The following TNS3 variants were observed in gnomAD, a reference collection of about 807,000 sequenced individuals.
TNS3 encodes the protein tensin 3, also known as tensin-3.
A neutral mutation model predicts 140.9 loss-of-function variants in TNS3; 45 were observed. That is an observed-to-expected ratio of 0.32 (90% CI 0.25 to 0.41). The LOEUF is 0.41. Among genes scored for constraint, TNS3 ranks in the 10% least tolerant of loss-of-function variants. TNS3 has a pLI of 1.00. For synonymous variants in TNS3, 815 were observed against 788.4 expected, an observed-to-expected ratio of 1.03 and a Z score of -0.56; for missense variants, 1,716 against 1,906.7, an observed-to-expected ratio of 0.90 and a Z score of 1.86.
At chr7:47,573,270 C>T (rs1201282889) in intron 1 of TNS3, among the ~76,000 whole-genome samples, 6 of 152,222 alleles carry the variant, frequency 3.9e-5, no homozygotes, top group African/African-American at 7.2e-5. Context: ...ACCCACCTCA[C>T]GAGCAAGCCT....
intron 4 of TNS3, among the ~76,000 whole-genome samples, chr7:47,448,757 G>GT (rs1562756494): frequency 6.6e-6 from 1 of 152,200 alleles, no homozygotes; most frequent in African/African-American, 2.4e-5. Context: ...GATTGCAGGC[G>GT]TAAGCCACCG....
chr7:47,481,225 T>C lies in TNS3; in HGVS notation c.-114-84A>G, dbSNP rs796130622. On this transcript the variant is annotated intron_variant, in intron 3 of 30. Transcript: ENST00000311160. ...ATAATCAAGCCAGGCTCCCAAAGAC[T>C]GAATGAAACTGTCTCTAACCTCACT... is the stretch of plus-strand genomic sequence containing the variant. 1.3e-5 allele frequency: 13 copies of C among 1,030,672 alleles called. No homozygotes were observed. The African/African-American group carries it at 2.1e-4, about 17-fold the overall frequency. The allele number at this position is 1,030,672 out of a possible 1,614,324, so 63.8% of individuals were successfully genotyped here.
At chr7:47,447,335 G>A (rs1172306654) in intron 4 of TNS3, among the ~76,000 whole-genome samples, 1 of 152,140 alleles carries the variant, frequency 6.6e-6, no homozygotes, top group Non-Finnish European at 1.5e-5. Context: ...GCACTTCCTA[G>A]TGTGTCACAG....
At chr7:47,282,319 C>T (rs1174294298) in intron 28 of TNS3, among the ~76,000 whole-genome samples, 1 of 151,870 alleles carries the variant, frequency 6.6e-6, no homozygotes, top group East Asian at 1.9e-4. Flanking sequence ...TGCAGATGAG[C>T]CATGCCCCGA....
At chr7:47,485,591 G>A (rs1797581757) in intron 3 of TNS3, among the ~76,000 whole-genome samples, 1 of 152,256 alleles carries the variant, frequency 6.6e-6, no homozygotes, top group Non-Finnish European at 1.5e-5. Context: ...GAAGGCTGGA[G>A]AGAAGGCAGT....
intron 1 of TNS3, among the ~76,000 whole-genome samples, chr7:47,570,162 AAAAT>A (rs1800521171): frequency 6.6e-6 from 1 of 152,284 alleles, no homozygotes; most frequent in Non-Finnish European, 1.5e-5. Context: ...ATAAAAAGAA[AAAAT>A]AAATAAATAA....
intron 24 of TNS3, among the ~76,000 whole-genome samples, chr7:47,294,369 A>G (rs1785885995): frequency 6.6e-6 from 1 of 152,252 alleles, no homozygotes; most frequent in African/African-American, 2.4e-5. Flanking sequence ...TGCTATTAAC[A>G]GTAAACAGTG....
Position 47,445,403 on chromosome 7 carries a change from G to A in TNS3, c.-75-3348C>T, listed in dbSNP as rs538643822. ...ATGAGGAAATGAGGATTTGGTGGGC[G>A]GACGTGTTGGAATCCCACAGTTAAG... On this transcript the variant is annotated intron_variant, in intron 4 of 30. Coordinates refer to ENST00000311160, the MANE Select transcript of TNS3 (RefSeq NM_022748.12). Among the ~76,000 whole-genome samples the A allele has an allele frequency of 1.4e-4, 22 of 152,274 alleles. 2 individuals carry two copies. The South Asian group carries it at 4.4e-3, about 30-fold the overall frequency.
intron 3 of TNS3, among the ~76,000 whole-genome samples, chr7:47,487,570 A>G (rs1797658763): frequency 6.6e-6 from 1 of 152,102 alleles, no homozygotes. Flanking sequence ...ATGCACACAC[A>G]CCACACAACA....
intron 8 of TNS3, 111 bp downstream of exon 8, chr7:47,435,171 C>A: frequency 7.0e-7 from 1 of 1,432,670 alleles, no homozygotes; most frequent in South Asian, 1.3e-5. Context: ...ATAAGGAGCA[C>A]ATCGCACCAG....
intron 4 of TNS3, among the ~76,000 whole-genome samples, chr7:47,454,369 G>A (rs192371085): frequency 9.9e-5 from 15 of 152,252 alleles, no homozygotes; most frequent in South Asian, 8.3e-4. Context: ...CATCAGACCC[G>A]GAGACACTAA....
chr7:47,367,835 G>A (rs935968427), intron 17 of TNS3, among the ~76,000 whole-genome samples: 11 of 152,206 alleles, frequency 7.2e-5, no homozygotes, highest in Non-Finnish European at 1.6e-4. Flanking sequence ...TCTGACAGGT[G>A]TATTTGTAAT....
intron 2 of TNS3, among the ~76,000 whole-genome samples, chr7:47,524,870 A>G (rs1385991980): frequency 6.7e-6 from 1 of 149,534 alleles, no homozygotes; most frequent in Non-Finnish European, 1.5e-5. Context: ...CCTGCGGTGG[A>G]AAGTAAGCTG....
chr7:47,369,222 G>A lies in TNS3; in HGVS notation c.1424C>T (p.Thr475Ile), dbSNP rs1277447993. 1.9e-6 allele frequency: 3 copies of A among 1,614,198 alleles called. No individual in the cohort carries two copies. Among genetic ancestry groups the A allele is most frequent in the East Asian group, 4.5e-5 (2 of 44,880 alleles). The change falls in exon 17 of 31, where the codon ACA becomes ATA. Residue 475 changes from threonine (T) to isoleucine (I), a missense_variant. Transcript: ENST00000311160. ...NGDAALKDRE[T>I]DILDDEMPHH... ...GGGCATCTCGTCATCCAGAATGTCT[G>A]TCTCCCGATCCTTCAGAGCAGCGTC...
chr7:47,416,125 C>G (rs745463128), intron 10 of TNS3, among the ~76,000 whole-genome samples: 27 of 152,370 alleles, frequency 1.8e-4, no homozygotes, highest in Non-Finnish European at 3.1e-4. Flanking sequence ...GTTTCCATAT[C>G]TGTCTCCACC....
intron 4 of TNS3, chr7:47,452,868 G>A: frequency 1.0e-6 from 1 of 969,032 alleles, no homozygotes; most frequent in Non-Finnish European, 1.2e-6. Context: ...AGGGTGGCCA[G>A]GGACAGACAA....
intron 17 of TNS3, among the ~76,000 whole-genome samples, chr7:47,355,353 G>T (rs1403471752): frequency 1.3e-5 from 2 of 152,210 alleles, no homozygotes; most frequent in Admixed American, 1.3e-4. Flanking sequence ...AACAGGGTGG[G>T]GGACGGTCCT....
chr7:47,324,203 A>G (rs938046805), intron 20 of TNS3, among the ~76,000 whole-genome samples: 1 of 152,204 alleles, frequency 6.6e-6, no homozygotes, highest in Admixed American at 6.5e-5. Context: ...TCCTTGTACC[A>G]GCTCATGTTT....
At chr7:47,530,836 A>ATATATATAT (rs1236106676) in intron 1 of TNS3, among the ~76,000 whole-genome samples, 4 of 33,284 alleles carry the variant, frequency 1.2e-4, no homozygotes, top group African/African-American at 4.0e-4. Flanking sequence ...AAAAAAAAAA[A>ATATATATAT]AAATATATAT....
Sources: allele counts gnomAD v4.1 joint callset (sites outside exome capture counted in the v4.1 genomes callset), GRCh38; gene constraint gnomAD v4.1.1; transcripts MANE v1.5; gene names NCBI Gene and HGNC (gene_info 2026-07-23, HGNC 2026-07-21).